Variants in PAN3 observed in about 807,000 individuals in gnomAD.
The protein encoded by PAN3 is PAN2-PAN3 deadenylation complex subunit PAN3.
PAN3 carries 19 observed loss-of-function variants against 96.2 expected under a neutral mutation model. The ratio of observed to expected loss-of-function variants is 0.20; its 90% CI spans 0.14 to 0.29. The LOEUF is 0.29. Ranked by LOEUF, PAN3 falls within the 10% of genes least tolerant of loss-of-function variation. PAN3 has a pLI of 1.00. For missense variants in PAN3, 882 were observed against 1,108.1 expected (o/e 0.80, Z 2.90); for synonymous variants, 433 against 406.6 (o/e 1.06, Z -0.78).
intron 5 of PAN3, 37 bp from the exon 6 acceptor site, chr13:28,220,194 A>G (rs748705290): frequency 2.7e-5 from 43 of 1,589,100 alleles, no homozygotes; most frequent in Non-Finnish European, 2.6e-6. Flanking sequence ...TTTTCGGCTT[A>G]AAGTGTGTTA....
intron 6 of PAN3, among the ~76,000 whole-genome samples, chr13:28,227,719 G>C (rs1285792159): frequency 2.6e-5 from 4 of 152,206 alleles, no homozygotes; most frequent in Admixed American, 6.5e-5. Context: ...GAAGACAGTG[G>C]TGCGAAGTAG....
chr13:28,280,918 A>C (rs1313558997), intron 16 of PAN3, among the ~76,000 whole-genome samples: 1 of 152,182 alleles, frequency 6.6e-6, no homozygotes, highest in African/African-American at 2.4e-5. Flanking sequence ...ATATAAATAG[A>C]CACAAAATAA....
chr13:28,215,294 T>TCTGTGG, intron 5 of PAN3: 1 of 720,104 alleles, frequency 1.4e-6, no homozygotes, highest in Non-Finnish European at 2.6e-6. Flanking sequence ...GTGGTATTGG[T>TCTGTGG]ACTGTGTCTG....
intron 1 of PAN3, among the ~76,000 whole-genome samples, chr13:28,145,252 C>G (rs1870470433): frequency 6.6e-6 from 1 of 151,678 alleles, no homozygotes; most frequent in African/African-American, 2.4e-5. Context: ...TTTGCACTTG[C>G]GTGTGTGTGT....
intron 15 of PAN3, 87 bp downstream of exon 15, chr13:28,277,463 C>T (rs1055022267): frequency 1.1e-5 from 15 of 1,363,416 alleles, no homozygotes; most frequent in Non-Finnish European, 1.4e-5. Flanking sequence ...GTTTTGGTTC[C>T]CACTATTTAA....
chr13:28,270,593 G>A (rs1317008272), intron 12 of PAN3, 108 bp from the exon 13 acceptor site: 1 of 1,115,894 alleles, frequency 9.0e-7, no homozygotes, highest in African/African-American at 1.6e-5. Context: ...AAATTGACAT[G>A]TTGTGCCATG....
intron 5 of PAN3, among the ~76,000 whole-genome samples, chr13:28,211,369 A>G (rs751547594): frequency 6.6e-6 from 1 of 152,198 alleles, no homozygotes; most frequent in South Asian, 2.1e-4. Flanking sequence ...AAATAATTGT[A>G]TTGGAGAAAT....
chr13:28,181,636 A>G (rs977183577), intron 4 of PAN3, among the ~76,000 whole-genome samples: 3 of 151,966 alleles, frequency 2.0e-5, no homozygotes, highest in Non-Finnish European at 4.4e-5. Flanking sequence ...GTGAGAATGT[A>G]TGCCTTAGGG....
chr13:28,185,341 C>T (rs1264765838), intron 4 of PAN3, among the ~76,000 whole-genome samples: 1 of 152,098 alleles, frequency 6.6e-6, no homozygotes, highest in African/African-American at 2.4e-5. Flanking sequence ...CTTTTCTTTC[C>T]TGCTAAGTAA....
intron 8 of PAN3, among the ~76,000 whole-genome samples, chr13:28,260,985 A>G (rs1335409683): frequency 6.6e-6 from 1 of 152,182 alleles, no homozygotes; most frequent in East Asian, 1.9e-4. Context: ...TTTTTGGTAA[A>G]CAGCTAGTTA....
At chr13:28,171,471 A>G (rs538406679) in intron 1 of PAN3, among the ~76,000 whole-genome samples, 2 of 152,196 alleles carry the variant, frequency 1.3e-5, no homozygotes, top group African/African-American at 2.4e-5. Context: ...TACCAGTGAC[A>G]TGTAGCGGGT....
intron 1 of PAN3, among the ~76,000 whole-genome samples, chr13:28,142,630 T>C (rs1566130227): frequency 6.6e-6 from 1 of 151,998 alleles, no homozygotes. Context: ...GGTCTCAAAC[T>C]TCTGGGCTCA....
At chr13:28,236,114 T>G (rs1883082767) in intron 6 of PAN3, among the ~76,000 whole-genome samples, 1 of 152,234 alleles carries the variant, frequency 6.6e-6, no homozygotes, top group South Asian at 2.1e-4. Context: ...TGCTCACATA[T>G]GAAGAGCTAC....
At chr13:28,266,223 A>G (rs1440619683) in intron 9 of PAN3, among the ~76,000 whole-genome samples, 1 of 152,278 alleles carries the variant, frequency 6.6e-6, no homozygotes, top group African/African-American at 2.4e-5. Context: ...GCTGTACTAC[A>G]TGTTGGGTTA....
chr13:28,253,100 TG>T (rs1203653702), intron 6 of PAN3, among the ~76,000 whole-genome samples: 3 of 152,236 alleles, frequency 2.0e-5, no homozygotes, highest in Admixed American at 2.0e-4. Context: ...TTATATCAAA[TG>T]GTTTCCTGAA....
At chr13:28,175,304 G>A (rs1366002717) in intron 2 of PAN3, among the ~76,000 whole-genome samples, 3 of 152,198 alleles carry the variant, frequency 2.0e-5, no homozygotes, top group African/African-American at 2.4e-5. Context: ...AAGTACAGTG[G>A]CGCAATCATG....
intron 14 of PAN3, 127 bp downstream of exon 14, chr13:28,272,198 T>C (rs769473766): frequency 7.3e-6 from 4 of 544,274 alleles, no homozygotes; most frequent in Non-Finnish European, 1.2e-5. Context: ...CTATGCAGAC[T>C]TTGAACATGT....
intron 3 of PAN3, among the ~76,000 whole-genome samples, chr13:28,177,392 T>C (rs1035977563): frequency 1.3e-5 from 2 of 152,180 alleles, no homozygotes; most frequent in Admixed American, 1.3e-4. Flanking sequence ...CTTTAAAATA[T>C]GGAATAGTTT....
intron 18 of PAN3, among the ~76,000 whole-genome samples, chr13:28,288,750 GTTTATTTTTTAAAAATTGA>G (rs1869300952): frequency 6.6e-6 from 1 of 150,758 alleles, no homozygotes; most frequent in Non-Finnish European, 1.5e-5. Flanking sequence ...ATAATTTTGT[GTTTATTTTTTAAAAATTGA>G]ACCCCTTCCG....
Sources: gnomAD v4.1 joint callset for allele counts (sites outside exome capture counted in the v4.1 genomes callset) on GRCh38, gnomAD v4.1.1 for gene constraint, MANE v1.5 for transcripts, NCBI Gene and HGNC (gene_info 2026-07-23, HGNC 2026-07-21) for gene names.